ESYT1: variants seen among roughly 807,000 people sequenced by gnomAD.
The protein encoded by ESYT1 is extended synaptotagmin-1.
ESYT1 carries 116 observed loss-of-function variants against 154.2 expected under a neutral mutation model. The observed-to-expected ratio is 0.75, with a 90% CI of 0.65 to 0.88. The LOEUF (loss-of-function observed/expected upper bound fraction) is 0.88, where lower values mean the gene tolerates loss of function less well. Among genes scored for constraint, ESYT1 ranks in the 40% least tolerant of loss-of-function variants. The pLI is 0.00. For synonymous variants in ESYT1, 500 were observed against 539.9 expected (o/e 0.93, Z 1.02); for missense variants, 1,264 against 1,379.3 (o/e 0.92, Z 1.32).
chr12:56,135,567 A>G (rs1484721730), intron 15 of ESYT1, among the ~76,000 whole-genome samples: 1 of 152,096 alleles, frequency 6.6e-6, no homozygotes, highest in Non-Finnish European at 1.5e-5. Context: ...TAGACAAGAC[A>G]TACACATATA....
chr12:56,137,860 A>G lies in ESYT1; in HGVS notation c.2144A>G (p.Glu715Gly). ...EVIVTSVPGQ[E>G]LEVEVFDKDL... is the part of the protein sequence containing the mutation. ...ATCGTCACATCAGTTCCAGGCCAAG[A>G]GCTAGAGGTTGAAGTCTTTGACAAG... Residue 715 changes from glutamate (E) to glycine (G), a missense_variant, in exon 19 of 31, where the codon GAG becomes GGG. Physicochemically the swap from Glu to Gly is moderately conservative, Grantham distance 98 (BLOSUM62 -2). Transcript: ENST00000394048. 1 of 1,614,100 alleles carries G rather than the reference A, an allele frequency of 6.2e-7. No individual in the cohort carries two copies. The highest frequency in any genetic ancestry group is 1.1e-5 in the South Asian group (1 of 91,082).
At chr12:56,141,731 C>T (rs576972613) in intron 24 of ESYT1, among the ~76,000 whole-genome samples, 1 of 151,714 alleles carries the variant, frequency 6.6e-6, no homozygotes, top group Non-Finnish European at 1.5e-5. Context: ...CAGAGCGAGA[C>T]TCCGTCTCAA....
rs922356775 is a variant in ESYT1, at chr12:56,138,403, G to C, written c.2338-1G>C. The C allele has an allele frequency of 3.7e-6, 6 of 1,613,492 alleles. No individual in the cohort carries two copies. The highest frequency in any genetic ancestry group is 5.1e-6 in the Non-Finnish European group (6 of 1,179,764). On this transcript the variant is annotated splice_acceptor_variant, in intron 21 of 30. Coordinates refer to ENST00000394048, the MANE Select transcript of ESYT1 (RefSeq NM_015292.3). LOFTEE classifies it high-confidence loss of function. The stretch of plus-strand genomic sequence containing the variant: ...CCCCAGCCCCGTGTGCCCCTCCACA[G>C]GTGCTGCAGGTGAATAGTTTGATCC...
intron 3 of ESYT1, 27 bp downstream of exon 3, chr12:56,130,952 A>C: frequency 6.2e-7 from 1 of 1,614,130 alleles, no homozygotes. Context: ...GAAAGTGAGG[A>C]GGTAGGCTAG....
intron 15 of ESYT1, 84 bp downstream of exon 15, chr12:56,134,512 C>T: frequency 8.6e-7 from 1 of 1,159,562 alleles, no homozygotes; most frequent in East Asian, 2.4e-5. Context: ...CCTTCTTTTC[C>T]CTTGATTCCT....
chr12:56,137,950 G>A (rs751386830), intron 19 of ESYT1, 36 bp downstream of exon 19: 1 of 1,613,382 alleles, frequency 6.2e-7, no homozygotes, highest in Middle Eastern at 1.6e-4. Context: ...AAACAGGCTG[G>A]GGCTCTTTAG....
At chr12:56,131,955 C>G (rs1870252989) in intron 7 of ESYT1, 151 bp downstream of exon 7, 4 of 1,021,176 alleles carry the variant, frequency 3.9e-6, no homozygotes, top group African/African-American at 3.2e-5. Flanking sequence ...AAGTTTGATA[C>G]TGTGATTTTT....
intron 7 of ESYT1, 113 bp downstream of exon 7, chr12:56,131,917 T>G: frequency 8.6e-7 from 1 of 1,167,838 alleles, no homozygotes; most frequent in Non-Finnish European, 1.3e-6. Context: ...TCAACTTCAT[T>G]TGGGGAGCAA....
intron 9 of ESYT1, 59 bp downstream of exon 9, chr12:56,132,656 T>A: frequency 6.2e-7 from 1 of 1,613,632 alleles, no homozygotes. Flanking sequence ...TGAGAGAAGA[T>A]GCTGATTGGA....
At position 56,130,624 on chromosome 12, in the gene ESYT1, G is replaced by A; in HGVS notation, c.432+1G>A. On this transcript the variant is annotated splice_donor_variant, in intron 2 of 30. Coordinates refer to ENST00000394048, the MANE Select transcript of ESYT1 (RefSeq NM_015292.3). LOFTEE classifies it high-confidence loss of function. ...GGAAAAGGCTGAATGGCTCAATAAGGTGAGGATTGATTTGATTTTTAGTCT... is the reference window on the plus strand; with the variant it reads ...GGAAAAGGCTGAATGGCTCAATAAGATGAGGATTGATTTGATTTTTAGTCT... 6.2e-7 allele frequency: 1 copy of A among 1,614,160 alleles called. No homozygotes were observed. Among genetic ancestry groups the A allele is most frequent in the Non-Finnish European group, 8.5e-7 (1 of 1,180,030 alleles).
intron 29 of ESYT1, 56 bp downstream of exon 29, chr12:56,143,389 G>T: frequency 6.3e-7 from 1 of 1,576,754 alleles, no homozygotes. Context: ...TGGCACCAAG[G>T]TTATAGTCCC....
Position 56,131,318 on chromosome 12 carries a change from T to C in ESYT1, c.714+2T>C. 6.2e-7 allele frequency: 1 copy of C among 1,614,168 alleles called. No homozygotes were observed. The highest frequency in any genetic ancestry group is 1.1e-5 in the South Asian group (1 of 91,090). Reference sequence around the variant, plus strand: ...AAAGCAGGAGTCAAGGGCATGCAGGTAGGCCAGATGTCAGGGGCCACATAA... The same window carrying C: ...AAAGCAGGAGTCAAGGGCATGCAGGCAGGCCAGATGTCAGGGGCCACATAA... On this transcript the variant is annotated splice_donor_variant, in intron 5 of 30. Transcript: ENST00000394048. LOFTEE classifies it high-confidence loss of function.
chr12:56,138,184 G>T lies in ESYT1; in HGVS notation c.2249G>T (p.Trp750Leu), dbSNP rs942488795. The T allele has an allele frequency of 1.2e-6, 2 of 1,614,072 alleles. No individual in the cohort carries two copies. The highest frequency in any genetic ancestry group is 2.7e-5 in the African/African-American group (2 of 74,908). The change falls in exon 21 of 31, where the codon TGG becomes TTG. Residue 750 changes from tryptophan (W) to leucine (L), a missense_variant and splice_region_variant. Transcript: ENST00000394048. ...TCTTCACCCTGCCTACTTCCACAGT[G>T]GCTGACCCTGGAGGATGTCCCATCT... is the stretch of plus-strand genomic sequence containing the variant. Reference protein sequence around the residue: ...TVLNSGFLDEWLTLEDVPSGR... With the variant: ...TVLNSGFLDELLTLEDVPSGR...
chr12:56,131,847 G>T (rs1392154481), intron 7 of ESYT1, 43 bp downstream of exon 7: 1 of 1,598,842 alleles, frequency 6.3e-7, no homozygotes, highest in East Asian at 2.2e-5. Context: ...TTCCAGCGCT[G>T]GGTTGGGGGT....
At chr12:56,137,766 G>T (rs1870523710) in intron 18 of ESYT1, 66 bp from the exon 19 acceptor site, 2 of 1,607,880 alleles carry the variant, frequency 1.2e-6, no homozygotes, top group African/African-American at 2.7e-5. Context: ...TCAGTTGACT[G>T]GGGGGTCCAG....
chr12:56,138,308 G>A, intron 21 of ESYT1, 36 bp downstream of exon 21: 1 of 1,613,368 alleles, frequency 6.2e-7, no homozygotes, highest in Non-Finnish European at 8.5e-7. Flanking sequence ...AGGGACCCAA[G>A]GTGGGGCAGG....
At chr12:56,131,206 G>GACTA (rs777730588) in intron 4 of ESYT1, 38 bp from the exon 5 acceptor site, 249 of 1,613,424 alleles carry the variant, frequency 1.5e-4, no homozygotes, top group Non-Finnish European at 2.1e-4. Flanking sequence ...TTCAGCCAAG[G>GACTA]ACTAACTCTC....
chr12:56,138,600 T>A, intron 22 of ESYT1, 101 bp downstream of exon 22: 1 of 1,341,288 alleles, frequency 7.5e-7, no homozygotes, highest in Non-Finnish European at 1.0e-6. Flanking sequence ...AAATGGCCCC[T>A]CTCTTTCTGA....
At chr12:56,137,720 C>T (rs1281764213) in intron 18 of ESYT1, 45 bp downstream of exon 18, 3 of 1,608,726 alleles carry the variant, frequency 1.9e-6, no homozygotes, top group Non-Finnish European at 2.5e-6. Context: ...CCCATTTTTC[C>T]CCCAATCCCA....
Sources: allele counts gnomAD v4.1 joint callset (sites outside exome capture counted in the v4.1 genomes callset), GRCh38; gene constraint gnomAD v4.1.1; transcripts MANE v1.5; gene names NCBI Gene and HGNC (gene_info 2026-07-23, HGNC 2026-07-21).